The following LHX9 variants were observed in gnomAD, a reference collection of about 807,000 sequenced individuals.
LHX9 encodes the protein LIM/homeobox protein Lhx9.
A neutral mutation model predicts 36.5 loss-of-function variants in LHX9; 9 were observed. The ratio of observed to expected loss-of-function variants is 0.25; its 90% CI spans 0.15 to 0.43. The LOEUF is 0.43. LHX9 is among the 20% of genes least tolerant of loss of function. The probability of loss-of-function intolerance (pLI) is 1.00; values close to 1 mark genes in which losing one functional copy is unlikely to be tolerated. For synonymous variants in LHX9, 211 were observed against 212.1 expected (o/e 0.99, Z 0.04); for missense variants, 464 against 526.4 (o/e 0.88, Z 1.16).
At chr1:197,920,229 G>T in intron 2 of LHX9, 55 bp downstream of exon 2, 1 of 1,547,190 alleles carries the variant, frequency 6.5e-7, no homozygotes, top group Non-Finnish European at 8.9e-7. Flanking sequence ...GGGGCCATCT[G>T]CCTGAGCCCG....
chr1:197,918,135 C>A, intron 1 of LHX9, 138 bp downstream of exon 1: 1 of 904,818 alleles, frequency 1.1e-6, no homozygotes, highest in Non-Finnish European at 1.7e-6. Flanking sequence ...GAGTTTTCTC[C>A]CGTCCACCTA....
chr1:197,925,628 C>T (rs1571405356), intron 3 of LHX9, among the ~76,000 whole-genome samples: 1 of 152,076 alleles, frequency 6.6e-6, no homozygotes, highest in East Asian at 1.9e-4. Flanking sequence ...GCTGTTTCAT[C>T]CATTTGAGGA....
chr1:197,918,309 G>C (rs1281441105), intron 1 of LHX9: 2 of 717,324 alleles, frequency 2.8e-6, no homozygotes, highest in Non-Finnish European at 2.6e-6. Flanking sequence ...CCTTGATTCC[G>C]GGGCAGGCGT....
upstream of LHX9, among the ~76,000 whole-genome samples, chr1:197,915,648 C>A (rs752501841): frequency 8.5e-5 from 13 of 152,142 alleles, no homozygotes; most frequent in Non-Finnish European, 1.5e-4. Context: ...TAAACTGCGT[C>A]CAGTCTGCAA....
upstream of LHX9, among the ~76,000 whole-genome samples, chr1:197,914,411 T>TG (rs1460620020): frequency 6.6e-6 from 1 of 150,918 alleles, no homozygotes; most frequent in African/African-American, 2.4e-5. Flanking sequence ...ATTTTTTTTT[T>TG]TGTCCCCAGC....
At chr1:197,917,243 A>T, upstream of LHX9, 1 of 1,210,120 alleles carries the variant, frequency 8.3e-7, no homozygotes, top group African/African-American at 1.6e-5. Flanking sequence ...GGTTGAGAGG[A>T]GTATGACAGG....
chr1:197,922,296 C>T (rs1450532263), intron 3 of LHX9, among the ~76,000 whole-genome samples: 2 of 152,186 alleles, frequency 1.3e-5, no homozygotes, highest in Non-Finnish European at 2.9e-5. Context: ...ACCATCCAGA[C>T]ATCCAGACCC....
rs966561339 is a variant in LHX9 at position 197,930,074 on chromosome 1, C to CT, written c.*822dup. 1.5e-5 allele frequency: 15 copies of CT among 975,706 alleles called. No individual in the cohort carries two copies. The highest frequency in any genetic ancestry group is 1.8e-5 in the Non-Finnish European group (15 of 821,054). The allele number at this position is 975,706 out of a possible 1,614,324, so 60.4% of individuals were successfully genotyped here. A position where few individuals can be genotyped will look rare whatever the true frequency, so the allele number is the denominator to read the frequency against. On this transcript the variant is annotated 3_prime_UTR_variant, in exon 5 of 5. Coordinates refer to ENST00000367387, the MANE Select transcript of LHX9 (RefSeq NM_020204.3). ...GCTCGGAAACCATTCTTTCTAGTTA[C>CT]TTTTTTTCCCAGGGAAAATGGAAAT...
At position 197,917,625 on chromosome 1, in the gene LHX9, C is replaced by T. The variant is rs1659809444; in HGVS notation, c.-199C>T. ...CATCTCCTTCAGGGAGCCGCTGAGGCTTCCCCCCAACTCTTCCCAGTTCTT... is the reference window on the plus strand; with the variant it reads ...CATCTCCTTCAGGGAGCCGCTGAGGTTTCCCCCCAACTCTTCCCAGTTCTT... On this transcript the variant is annotated 5_prime_UTR_variant, in exon 1 of 5. Coordinates refer to ENST00000367387, the MANE Select transcript of LHX9 (RefSeq NM_020204.3). 1 of 1,511,694 alleles carries T rather than the reference C, an allele frequency of 6.6e-7. No homozygotes were observed. The allele number at this position is 1,511,694 out of a possible 1,614,324, so 93.6% of individuals were successfully genotyped here.
chr1:197,929,279 G>A lies in LHX9; in HGVS notation c.*20G>A, dbSNP rs1171409428. On this transcript the variant is annotated 3_prime_UTR_variant, in exon 5 of 5. Transcript: ENST00000367387. ...TTCTAACATTGGTTTTTTTTTTTTA[G>A]TTTTTAAATTCTTCCTCTTCTTTTT... 1 of 1,285,548 alleles carries A rather than the reference G, an allele frequency of 7.8e-7. No individual in the cohort carries two copies. Among genetic ancestry groups the A allele is most frequent in the Non-Finnish European group, 1.0e-6 (1 of 988,656 alleles). 79.6% of individuals were successfully genotyped at this position (1,285,548 alleles called of 1,614,324 possible).
chr1:197,915,417 C>A (rs1003752862), upstream of LHX9, among the ~76,000 whole-genome samples: 1 of 152,192 alleles, frequency 6.6e-6, no homozygotes, highest in Non-Finnish European at 1.5e-5. Context: ...CTGCCCCCAG[C>A]CCCTCCTCAG....
At chr1:197,926,783 A>G (rs576077813) in intron 3 of LHX9, among the ~76,000 whole-genome samples, 1 of 152,258 alleles carries the variant, frequency 6.6e-6, no homozygotes, top group Non-Finnish European at 1.5e-5. Flanking sequence ...GGAGCGCTTC[A>G]GGCGTGAACC....
chr1:197,925,590 G>A (rs1012780750), intron 3 of LHX9, among the ~76,000 whole-genome samples: 2 of 152,122 alleles, frequency 1.3e-5, no homozygotes, highest in Admixed American at 6.5e-5. Flanking sequence ...CTGGAGATAA[G>A]TATAGTTTTA....
Position 197,934,999 on chromosome 1 carries a change from G to A in LHX9, c.*5740G>A, listed in dbSNP as rs1302296428. On this transcript the variant is annotated 3_prime_UTR_variant, in exon 5 of 5. Coordinates refer to ENST00000367387, the MANE Select transcript of LHX9 (RefSeq NM_020204.3). ...GGGGGGGTGGTGAGGTTGGGAGAGG[G>A]AAAGTTTAGAACTGTGCATGATACT... is the stretch of plus-strand genomic sequence containing the variant. The A allele has an allele frequency of 6.6e-6, 1 of 151,992 alleles. No individual in the cohort carries two copies. The highest frequency in any genetic ancestry group is 1.5e-5 in the Non-Finnish European group (1 of 67,974). 9.4% of individuals were successfully genotyped at this position (151,992 alleles called of 1,614,324 possible).
chr1:197,929,087 C>T lies in LHX9; in HGVS notation c.1022C>T (p.Ser341Leu). ...NGGVDKADGT[S>L]LPAPPSADSG... ...GGTGTTGATAAAGCTGACGGCACGT[C>T]GCTTCCGGCCCCGCCCTCAGCAGAC... The change falls in exon 5 of 5, where the codon TCG becomes TTG. Residue 341 changes from serine (S) to leucine (L), a missense_variant. Physicochemically the swap from Ser to Leu is moderately radical, Grantham distance 145 (BLOSUM62 -2). Coordinates refer to ENST00000367387, the MANE Select transcript of LHX9 (RefSeq NM_020204.3). 1 of 1,613,656 alleles carries T rather than the reference C, an allele frequency of 6.2e-7. No individual in the cohort carries two copies. The highest frequency in any genetic ancestry group is 8.5e-7 in the Non-Finnish European group (1 of 1,179,902).
In LHX9 at chr1:197,934,489, C is replaced by A. The variant is rs1660404153; in HGVS notation, c.*5230C>A. ...ATTTAAATTTTAACTATGTTATAAA[C>A]AAAGCTAGCTTTACTTGTAGAGAGT... is the stretch of plus-strand genomic sequence containing the variant. On this transcript the variant is annotated 3_prime_UTR_variant, in exon 5 of 5. Transcript: ENST00000367387. 6.6e-6 allele frequency: 1 copy of A among 152,130 alleles called. No homozygotes were observed. The highest frequency in any genetic ancestry group is 2.4e-5 in the African/African-American group (1 of 41,438). The allele number at this position is 152,130 out of a possible 1,614,324, so 9.4% of individuals were successfully genotyped here. A position where few individuals can be genotyped will look rare whatever the true frequency, so the allele number is the denominator to read the frequency against.
In LHX9 at chr1:197,935,061, A is replaced by T. The variant is rs1660419205; in HGVS notation, c.*5802A>T. On this transcript the variant is annotated 3_prime_UTR_variant, in exon 5 of 5. Transcript: ENST00000367387. ...CTATGAATATGATGTAAGTAGTAAC[A>T]TTATTGCCACAACTAAATTTCTGTT... 1 of 152,182 alleles carries T rather than the reference A, an allele frequency of 6.6e-6. No homozygotes were observed. Among genetic ancestry groups the T allele is most frequent in the Non-Finnish European group, 1.5e-5 (1 of 68,030 alleles). 9.4% of individuals were successfully genotyped at this position (152,182 alleles called of 1,614,324 possible).
chr1:197,918,237 G>T, intron 1 of LHX9: 1 of 714,306 alleles, frequency 1.4e-6, no homozygotes, highest in South Asian at 1.5e-5. Flanking sequence ...AGAGCAGGGA[G>T]AGGAACTGGG....
At chr1:197,917,129 C>CGT (rs527768235), upstream of LHX9, 3 of 364,410 alleles carry the variant, frequency 8.2e-6, no homozygotes, top group Non-Finnish European at 1.1e-5. Context: ...CGCGCGCGCG[C>CGT]GTGTGTGTGT....
Sources: allele counts gnomAD v4.1 joint callset (sites outside exome capture counted in the v4.1 genomes callset), GRCh38; gene constraint gnomAD v4.1.1; transcripts MANE v1.5; gene names NCBI Gene and HGNC (gene_info 2026-07-23, HGNC 2026-07-21).